NELL1: variants seen among roughly 807,000 people sequenced by gnomAD.
NELL1 encodes the protein protein kinase C-binding protein NELL1.
In NELL1, 76 loss-of-function variants were observed where a neutral mutation model predicts 107.4. The ratio of observed to expected loss-of-function variants is 0.71; its 90% CI spans 0.59 to 0.86. The LOEUF (loss-of-function observed/expected upper bound fraction) is 0.86, where lower values mean the gene tolerates loss of function less well. Ranked by LOEUF, NELL1 falls within the 40% of genes least tolerant of loss-of-function variation. The pLI, the probability that NELL1 is intolerant of heterozygous loss-of-function variation, is 0.00. For missense variants in NELL1, 1,024 were observed against 1,005.5 expected (o/e 1.02, Z -0.25); for synonymous variants, 353 against 341.2 (o/e 1.03, Z -0.38).
chr11:21,556,092 C>T (rs1164304949), intron 16 of NELL1, among the ~76,000 whole-genome samples: 1 of 151,920 alleles, frequency 6.6e-6, no homozygotes, highest in Non-Finnish European at 1.5e-5. Context: ...AATTTTCTCT[C>T]TGCCACTGTA....
intron 13 of NELL1, among the ~76,000 whole-genome samples, chr11:21,224,509 C>T (rs1857843569): frequency 6.6e-6 from 1 of 151,992 alleles, no homozygotes; most frequent in Admixed American, 6.6e-5. Context: ...GTATGTGCCA[C>T]CATGCCCAGC....
intron 12 of NELL1, among the ~76,000 whole-genome samples, chr11:21,105,637 A>AT (rs1854935175): frequency 6.6e-6 from 1 of 152,034 alleles, no homozygotes; most frequent in African/African-American, 2.4e-5. Flanking sequence ...CTGCAGCTCG[A>AT]TTTTATGGGT....
At chr11:21,065,748 A>G (rs1853852273) in intron 12 of NELL1, among the ~76,000 whole-genome samples, 1 of 152,208 alleles carries the variant, frequency 6.6e-6, no homozygotes, top group Admixed American at 6.5e-5. Flanking sequence ...TGAATATGCA[A>G]AGAAATGTCT....
At chr11:20,995,661 C>T (rs1852075789) in intron 12 of NELL1, among the ~76,000 whole-genome samples, 1 of 152,136 alleles carries the variant, frequency 6.6e-6, no homozygotes, top group Non-Finnish European at 1.5e-5. Context: ...CTCAGTTCTT[C>T]CCCTTTGTTA....
At chr11:20,993,430 C>A (rs558416912) in intron 12 of NELL1, among the ~76,000 whole-genome samples, 54 of 152,128 alleles carry the variant, frequency 3.5e-4, no homozygotes, top group Non-Finnish European at 5.7e-4. Context: ...AGCATCCCAT[C>A]ACTTCTTAAT....
At chr11:21,503,062 G>A (rs1457250384) in intron 15 of NELL1, among the ~76,000 whole-genome samples, 5 of 152,030 alleles carry the variant, frequency 3.3e-5, no homozygotes, top group Non-Finnish European at 7.4e-5. Flanking sequence ...TGTATTTTTA[G>A]TAGAGACGGG....
chr11:20,939,038 G>A (rs1258642512), intron 10 of NELL1, among the ~76,000 whole-genome samples: 1 of 152,016 alleles, frequency 6.6e-6, no homozygotes, highest in African/African-American at 2.4e-5. Context: ...GGAGTGATTG[G>A]AGGAGCACCA....
intron 15 of NELL1, among the ~76,000 whole-genome samples, chr11:21,528,517 C>CT (rs1342742403): frequency 4.0e-5 from 2 of 50,536 alleles, no homozygotes; most frequent in African/African-American, 9.9e-5. Flanking sequence ...ACCCACCCCC[C>CT]CCCCCTTTTT....
In NELL1 at chr11:21,099,231, ACAAACACAC is replaced by A. The variant is rs1590634273; in HGVS notation, c.1301-14357_1301-14349del. ...CACACACACACACACACACACACACACAAACACACACACACACACACGGATCAGCTGTCA... is the reference window on the plus strand; with the variant it reads ...CACACACACACACACACACACACACAACACACACACACGGATCAGCTGTCA... On this transcript the variant is annotated intron_variant, in intron 12 of 19. Transcript: ENST00000357134. Among the ~76,000 whole-genome samples, 6 of 122,700 alleles carry A rather than the reference ACAAACACAC, an allele frequency of 4.9e-5. No individual in the cohort carries two copies. The East Asian group carries it at 1.4e-3, about 29-fold the overall frequency. 80.5% of individuals were successfully genotyped at this position (122,700 alleles called of 152,430 possible).
intron 14 of NELL1, among the ~76,000 whole-genome samples, chr11:21,246,591 T>G (rs1407371124): frequency 6.6e-6 from 1 of 152,166 alleles, no homozygotes; most frequent in African/African-American, 2.4e-5. Context: ...CTCTACGATA[T>G]GGCCTATTTT....
At chr11:21,193,700 C>G (rs1857093373) in intron 13 of NELL1, among the ~76,000 whole-genome samples, 1 of 151,816 alleles carries the variant, frequency 6.6e-6, no homozygotes, top group African/African-American at 2.4e-5. Context: ...CAAAAAATTT[C>G]ACAGATAAGT....
chr11:20,816,883 C>T lies in NELL1; in HGVS notation c.336-30700C>T, dbSNP rs573828839. Among the ~76,000 whole-genome samples the T allele has an allele frequency of 4.6e-5, 7 of 152,196 alleles. No individual in the cohort carries two copies. The South Asian group carries it at 1.4e-3, about 32-fold the overall frequency. ...TGGAGTTTACCAAAAGCCTTTGCTACGTCTATTGAGATGATCATATGATTT... is the reference window on the plus strand; with the variant it reads ...TGGAGTTTACCAAAAGCCTTTGCTATGTCTATTGAGATGATCATATGATTT... On this transcript the variant is annotated intron_variant, in intron 3 of 19. Coordinates refer to ENST00000357134, the MANE Select transcript of NELL1 (RefSeq NM_006157.5).
chr11:21,017,571 T>C (rs901906046), intron 12 of NELL1, among the ~76,000 whole-genome samples: 2 of 152,116 alleles, frequency 1.3e-5, no homozygotes. Context: ...CAGAGAATTA[T>C]GGTACCGGCT....
intron 15 of NELL1, among the ~76,000 whole-genome samples, chr11:21,383,643 T>C (rs16908029): frequency 0.028 from 4,179 of 149,456 alleles, 205 homozygotes; most frequent in African/African-American, 0.097. Flanking sequence ...TTTCTGACTA[T>C]TACACACCTA....
intron 15 of NELL1, among the ~76,000 whole-genome samples, chr11:21,442,089 G>A (rs920666720): frequency 2.0e-5 from 3 of 152,040 alleles, no homozygotes; most frequent in African/African-American, 4.8e-5. Context: ...TGTTTATTTA[G>A]TACAATAGAG....
chr11:21,028,714 T>C (rs1003468427), intron 12 of NELL1, among the ~76,000 whole-genome samples: 5 of 152,140 alleles, frequency 3.3e-5, no homozygotes, highest in Admixed American at 6.6e-5. Flanking sequence ...TCCCTTTTCT[T>C]ATTTCTCCCT....
At chr11:20,909,516 G>A (rs142856915) in intron 5 of NELL1, among the ~76,000 whole-genome samples, 129 of 152,216 alleles carry the variant, frequency 8.5e-4, no homozygotes, top group African/African-American at 2.9e-3. Context: ...TGGTTTCAAG[G>A]GATGGAGATC....
intron 2 of NELL1, among the ~76,000 whole-genome samples, chr11:20,703,990 G>C (rs953292789): frequency 6.6e-6 from 1 of 152,178 alleles, no homozygotes; most frequent in Admixed American, 6.5e-5. Context: ...GTTGATTTGG[G>C]GTGGAGAGTT....
intron 14 of NELL1, among the ~76,000 whole-genome samples, chr11:21,358,146 A>G (rs990877972): frequency 1.3e-5 from 2 of 152,088 alleles, no homozygotes; most frequent in Admixed American, 6.5e-5. Context: ...TCGGTTCTAT[A>G]TGAATTTTAG....
Sources: gnomAD v4.1 joint callset for allele counts (sites outside exome capture counted in the v4.1 genomes callset) on GRCh38, gnomAD v4.1.1 for gene constraint, MANE v1.5 for transcripts, NCBI Gene and HGNC (gene_info 2026-07-23, HGNC 2026-07-21) for gene names.